MYO1D: variants seen among roughly 807,000 people sequenced by gnomAD.
MYO1D encodes unconventional myosin-Id.
MYO1D carries 83 observed loss-of-function variants against 122.0 expected under a neutral mutation model. That is an observed-to-expected ratio of 0.68 (90% CI 0.57 to 0.82). The LOEUF is 0.82. Among genes scored for constraint, MYO1D ranks in the 40% least tolerant of loss-of-function variants. The probability of loss-of-function intolerance (pLI) is 0.00; values close to 1 mark genes in which losing one functional copy is unlikely to be tolerated. For missense variants in MYO1D, 1,157 were observed against 1,269.5 expected, an observed-to-expected ratio of 0.91 and a Z score of 1.35; for synonymous variants, 464 against 446.9, an observed-to-expected ratio of 1.04 and a Z score of -0.48.
intron 1 of MYO1D, among the ~76,000 whole-genome samples, chr17:32,795,168 C>T (rs1177358588): frequency 1.3e-5 from 2 of 152,090 alleles, no homozygotes. Context: ...TTTGAGACAC[C>T]TGAGAGACAT....
In MYO1D at chr17:32,870,617, G is replaced by GA. The variant is rs1280250106; in HGVS notation, c.95+6160dup. ...TCTGCTAAAAAAAAAAAAAAAGAAA[G>GA]AAAAAAAAGAAATAATTCCATTGGT... On this transcript the variant is annotated intron_variant, in intron 1 of 21. Transcript: ENST00000318217. 8.9e-4 allele frequency among the ~76,000 whole-genome samples: 132 copies of GA among 148,274 alleles called. No homozygotes were observed. In the East Asian group the frequency reaches 0.018, roughly 20 times the overall value.
At chr17:32,740,473 T>A (rs1221189431) in intron 13 of MYO1D, among the ~76,000 whole-genome samples, 1 of 152,140 alleles carries the variant, frequency 6.6e-6, no homozygotes, top group African/African-American at 2.4e-5. Flanking sequence ...GGCCAAGTCA[T>A]GACTGTAATA....
At chr17:32,746,887 A>G (rs149396365) in intron 12 of MYO1D, among the ~76,000 whole-genome samples, 7 of 152,224 alleles carry the variant, frequency 4.6e-5, no homozygotes, top group African/African-American at 1.2e-4. Flanking sequence ...CTCATTCTGC[A>G]TAAGTTTCTT....
chr17:32,548,859 G>A (rs1345740166), intron 21 of MYO1D, among the ~76,000 whole-genome samples: 1 of 151,564 alleles, frequency 6.6e-6, no homozygotes, highest in Non-Finnish European at 1.5e-5. Flanking sequence ...GATTACAGGT[G>A]TGCACCACCG....
chr17:32,494,850 C>A lies in MYO1D; in HGVS notation c.2930G>T (p.Cys977Phe). 1.2e-6 allele frequency: 2 copies of A among 1,613,978 alleles called. No homozygotes were observed. The highest frequency in any genetic ancestry group is 3.3e-4 in the Middle Eastern group (2 of 6,058). ...PVQCSLHGKK[C>F]TVSVETRLNQ... ...GAGCCGCGTCTCCACGGAGACGGTG[C>A]ACTTCTTCCCGTGCAGGCTGCACTG... Residue 977 changes from cysteine (C) to phenylalanine (F), a missense_variant, in exon 22 of 22, where the codon TGC becomes TTC. Transcript: ENST00000318217.
intron 5 of MYO1D, 121 bp downstream of exon 5, chr17:32,772,668 G>T: frequency 1.2e-6 from 1 of 808,712 alleles, no homozygotes; most frequent in Non-Finnish European, 2.1e-6. Flanking sequence ...GTGCATGCGT[G>T]ACATGTTACG....
At chr17:32,793,844 T>C (rs1468978137) in intron 1 of MYO1D, among the ~76,000 whole-genome samples, 4 of 152,234 alleles carry the variant, frequency 2.6e-5, no homozygotes, top group Non-Finnish European at 2.9e-5. Flanking sequence ...CTTCAACTGA[T>C]ATAGTACCTT....
intron 1 of MYO1D, chr17:32,862,803 A>G (rs1290383701): frequency 1.3e-5 from 2 of 152,252 alleles, no homozygotes; most frequent in African/African-American, 4.8e-5. Context: ...GTCAGCTCAC[A>G]TTACAGTGAT....
chr17:32,684,816 A>G (rs960504045), intron 16 of MYO1D, among the ~76,000 whole-genome samples: 3 of 152,220 alleles, frequency 2.0e-5, no homozygotes, highest in African/African-American at 4.8e-5. Context: ...CAATTTGCCA[A>G]TGAACAACTT....
rs371861197 is a variant in MYO1D, at chr17:32,762,187, G to A, written c.1036-1560C>T. On this transcript the variant is annotated intron_variant, in intron 8 of 21. Transcript: ENST00000318217. The stretch of plus-strand genomic sequence containing the variant: ...AGGAGAGAAGAGCAGTCCAAGCAGA[G>A]GGAACAGATGTGCACAGGCCCTGTG... Among the ~76,000 whole-genome samples the A allele has an allele frequency of 1.5e-4, 23 of 152,034 alleles. No individual in the cohort carries two copies. In the South Asian group the frequency reaches 4.6e-3, roughly 30 times the overall value.
chr17:32,728,206 T>C (rs1458318969), intron 14 of MYO1D, among the ~76,000 whole-genome samples: 2 of 151,754 alleles, frequency 1.3e-5, no homozygotes, highest in African/African-American at 2.4e-5. Flanking sequence ...GAATATTGAA[T>C]GCAATTTTTT....
intron 1 of MYO1D, among the ~76,000 whole-genome samples, chr17:32,800,878 A>C (rs1315465928): frequency 1.3e-5 from 2 of 152,016 alleles, no homozygotes; most frequent in Non-Finnish European, 2.9e-5. Flanking sequence ...AGCTAATCTA[A>C]AAGAGATGAT....
chr17:32,494,789 C>G lies in MYO1D; in HGVS notation c.2991G>C (p.Ser997=). Residue 997 remains serine, a synonymous_variant, in exon 22 of 22, where the codon TCG becomes TCC. Transcript: ENST00000318217. ...QPQPDFTKNR[S]GFILSVPGN The stretch of plus-strand genomic sequence containing the variant: ...TCCCGGGCACGCTGAGGATGAAGCC[C>G]GAGCGATTCTTGGTGAAGTCGGGCT... The G allele has an allele frequency of 1.9e-6, 3 of 1,611,218 alleles. No homozygotes were observed. The highest frequency in any genetic ancestry group is 1.1e-5 in the South Asian group (1 of 90,652).
intron 16 of MYO1D, among the ~76,000 whole-genome samples, chr17:32,662,846 A>G (rs139954643): frequency 6.6e-6 from 1 of 152,216 alleles, no homozygotes; most frequent in African/African-American, 2.4e-5. Flanking sequence ...AGTGCCCAAT[A>G]AGCATAGGCT....
chr17:32,725,974 C>T (rs190909115), intron 14 of MYO1D, among the ~76,000 whole-genome samples: 39 of 152,228 alleles, frequency 2.6e-4, no homozygotes, highest in Non-Finnish European at 4.9e-4. Flanking sequence ...ACACTGCTAA[C>T]GTAGAATTTT....
At chr17:32,563,575 T>C (rs1023558511) in intron 21 of MYO1D, among the ~76,000 whole-genome samples, 1 of 152,216 alleles carries the variant, frequency 6.6e-6, no homozygotes, top group Non-Finnish European at 1.5e-5. Context: ...GATTGATCTG[T>C]GTGTGCTTCA....
At chr17:32,587,064 CA>C (rs2087393179) in intron 21 of MYO1D, among the ~76,000 whole-genome samples, 1 of 152,218 alleles carries the variant, frequency 6.6e-6, no homozygotes, top group African/African-American at 2.4e-5. Context: ...ACCCTTGTAA[CA>C]ACAAGCAGTG....
At chr17:32,538,721 A>T (rs146657855) in intron 21 of MYO1D, among the ~76,000 whole-genome samples, 2,231 of 152,292 alleles carry the variant, frequency 0.015, 49 homozygotes, top group African/African-American at 0.05. Flanking sequence ...GATAGACCGG[A>T]TAAAGAAAAT....
intron 14 of MYO1D, among the ~76,000 whole-genome samples, chr17:32,737,095 T>C (rs1018311035): frequency 5.9e-5 from 9 of 152,146 alleles, no homozygotes; most frequent in African/African-American, 2.2e-4. Flanking sequence ...AGAAACAGTA[T>C]GGATTCAAAT....
Sources: gnomAD v4.1 joint callset for allele counts (sites outside exome capture counted in the v4.1 genomes callset) on GRCh38, gnomAD v4.1.1 for gene constraint, MANE v1.5 for transcripts, NCBI Gene and HGNC (gene_info 2026-07-23, HGNC 2026-07-21) for gene names.